CFAP299: variants seen among roughly 807,000 people sequenced by gnomAD.
The protein encoded by CFAP299 is cilia and flagella associated protein 299.
Under a neutral mutation model 27.0 loss-of-function variants are expected in CFAP299, and 21 were observed. The observed-to-expected ratio is 0.78, with a 90% CI of 0.55 to 1.12. The LOEUF (loss-of-function observed/expected upper bound fraction) is 1.12. Among genes scored for constraint, CFAP299 ranks in the 50% most tolerant of loss-of-function variants. The pLI is 0.00. For missense variants in CFAP299, 310 were observed against 276.6 expected (o/e 1.12, Z -0.86); for synonymous variants, 104 against 98.1 (o/e 1.06, Z -0.36).
At chr4:80,812,963 T>G (rs967967640) in intron 3 of CFAP299, among the ~76,000 whole-genome samples, 1 of 152,110 alleles carries the variant, frequency 6.6e-6, no homozygotes, top group Admixed American at 6.6e-5. Context: ...TCACATGAAG[T>G]GTTATTTTTT....
At chr4:80,855,965 C>A (rs889807761) in intron 3 of CFAP299, among the ~76,000 whole-genome samples, 13 of 151,760 alleles carry the variant, frequency 8.6e-5, no homozygotes, top group Non-Finnish European at 1.9e-4. Flanking sequence ...AGTTCTAGAT[C>A]CCTGAGGAAT....
intron 2 of CFAP299, among the ~76,000 whole-genome samples, chr4:80,457,058 T>C (rs942114415): frequency 6.6e-6 from 1 of 151,714 alleles, no homozygotes; most frequent in Admixed American, 6.6e-5. Context: ...AAAGAGACCA[T>C]GAGAACATGT....
intron 2 of CFAP299, among the ~76,000 whole-genome samples, chr4:80,569,343 T>C (rs905870658): frequency 6.6e-6 from 1 of 152,132 alleles, no homozygotes; most frequent in African/African-American, 2.4e-5. Context: ...ACCATTTATA[T>C]TGGAAAAGTA....
At chr4:80,671,369 A>G (rs1391336252) in intron 3 of CFAP299, among the ~76,000 whole-genome samples, 1 of 152,186 alleles carries the variant, frequency 6.6e-6, no homozygotes, top group Non-Finnish European at 1.5e-5. Flanking sequence ...TGGTACCAGT[A>G]CCATGCTGTT....
chr4:80,475,418 G>C (rs1730227722), intron 2 of CFAP299, among the ~76,000 whole-genome samples: 1 of 152,094 alleles, frequency 6.6e-6, no homozygotes, highest in South Asian at 2.1e-4. Flanking sequence ...TGATTTCTTT[G>C]GAAATAGAGT....
chr4:80,373,737 C>G (rs115414315), intron 2 of CFAP299, among the ~76,000 whole-genome samples: 255 of 152,284 alleles, frequency 1.7e-3, no homozygotes, highest in Non-Finnish European at 2.0e-3. Context: ...AGTTCCATCA[C>G]TTAGCTTCTG....
At chr4:80,635,295 T>A (rs1346856323) in intron 3 of CFAP299, among the ~76,000 whole-genome samples, 1 of 152,112 alleles carries the variant, frequency 6.6e-6, no homozygotes, top group Non-Finnish European at 1.5e-5. Context: ...ATGCAACTTT[T>A]CCCATAGAAA....
intron 4 of CFAP299, among the ~76,000 whole-genome samples, chr4:80,908,921 T>TAC (rs1195854734): frequency 6.7e-4 from 101 of 151,602 alleles, no homozygotes; most frequent in African/African-American, 2.3e-3. Flanking sequence ...CACACACACA[T>TAC]ACACACACAT....
chr4:80,691,051 A>G (rs1578024272), intron 3 of CFAP299, among the ~76,000 whole-genome samples: 1 of 130,050 alleles, frequency 7.7e-6, no homozygotes, highest in South Asian at 2.9e-4. Flanking sequence ...GCAATAATCA[A>G]TAGCTTACCA....
chr4:80,503,326 T>G (rs191756402), intron 2 of CFAP299, among the ~76,000 whole-genome samples: 1 of 152,282 alleles, frequency 6.6e-6, no homozygotes, highest in East Asian at 1.9e-4. Context: ...TTGTCTTCTA[T>G]TCTCTTTGCC....
At chr4:80,346,829 T>C (rs1722754435) in intron 1 of CFAP299, among the ~76,000 whole-genome samples, 1 of 152,226 alleles carries the variant, frequency 6.6e-6, no homozygotes, top group Non-Finnish European at 1.5e-5. Context: ...GGTAGCTTGA[T>C]GGGGATGACA....
intron 4 of CFAP299, among the ~76,000 whole-genome samples, chr4:80,925,012 A>G (rs1016488352): frequency 4.6e-5 from 7 of 151,690 alleles, no homozygotes; most frequent in African/African-American, 1.7e-4. Context: ...CATTTTCCCT[A>G]TTTGTTGTTT....
At chr4:80,549,357 G>A (rs1734393342) in intron 2 of CFAP299, among the ~76,000 whole-genome samples, 1 of 152,078 alleles carries the variant, frequency 6.6e-6, no homozygotes, top group Admixed American at 6.6e-5. Flanking sequence ...TATTATAGAT[G>A]GAAACTTAGG....
At chr4:80,726,244 CT>C (rs1472772954) in intron 3 of CFAP299, among the ~76,000 whole-genome samples, 6 of 152,188 alleles carry the variant, frequency 3.9e-5, no homozygotes, top group Admixed American at 6.5e-5. Context: ...TGACCAGTAG[CT>C]TAAACTTTTT....
chr4:80,343,689 T>C (rs1486050575), intron 1 of CFAP299, among the ~76,000 whole-genome samples: 2 of 149,834 alleles, frequency 1.3e-5, no homozygotes, highest in African/African-American at 4.9e-5. Flanking sequence ...CTCGGGAGGC[T>C]GAGGCAGGAG....
intron 2 of CFAP299, among the ~76,000 whole-genome samples, chr4:80,551,187 T>A (rs11935979): frequency 0.061 from 9,328 of 152,222 alleles, 616 homozygotes; most frequent in African/African-American, 0.16. Flanking sequence ...ATATAGTAAG[T>A]GTAGCTTTGA....
intron 3 of CFAP299, among the ~76,000 whole-genome samples, chr4:80,862,852 A>G (rs1312464831): frequency 6.6e-6 from 1 of 152,190 alleles, no homozygotes; most frequent in Non-Finnish European, 1.5e-5. Flanking sequence ...GAATTTAAAA[A>G]CAGTTATCAG....
At chr4:80,667,049 T>G (rs761350590) in intron 3 of CFAP299, among the ~76,000 whole-genome samples, 8 of 152,200 alleles carry the variant, frequency 5.3e-5, no homozygotes, top group Non-Finnish European at 7.4e-5. Flanking sequence ...TTTGCTGTTT[T>G]TAACTGAAAA....
chr4:80,575,371 G>T (rs1301113358), intron 2 of CFAP299, among the ~76,000 whole-genome samples: 1 of 151,262 alleles, frequency 6.6e-6, no homozygotes, highest in Non-Finnish European at 1.5e-5. Flanking sequence ...TGTCTGCCAG[G>T]CTGGGATGCA....
Sources: gnomAD v4.1 joint callset for allele counts (sites outside exome capture counted in the v4.1 genomes callset) on GRCh38, gnomAD v4.1.1 for gene constraint, MANE v1.5 for transcripts, NCBI Gene and HGNC (gene_info 2026-07-23, HGNC 2026-07-21) for gene names.